The following STXBP5L variants were observed in gnomAD, a reference collection of about 807,000 sequenced individuals.
STXBP5L encodes syntaxin-binding protein 5-like.
A neutral mutation model predicts 144.5 loss-of-function variants in STXBP5L; 65 were observed. The observed-to-expected ratio is 0.45, with a 90% confidence interval of 0.37 to 0.55. The LOEUF (loss-of-function observed/expected upper bound fraction) is 0.55. STXBP5L is among the 20% of genes least tolerant of loss of function. STXBP5L has a pLI of 0.00. For synonymous variants in STXBP5L, 505 were observed against 469.6 expected, an observed-to-expected ratio of 1.08 and a Z score of -0.97; for missense variants, 1,298 against 1,405.5, an observed-to-expected ratio of 0.92 and a Z score of 1.22.
At position 121,359,125 on chromosome 3, in the gene STXBP5L, C is replaced by T. The variant is rs1249472179; in HGVS notation, c.2177-19591C>T. Among the ~76,000 whole-genome samples the T allele has an allele frequency of 3.9e-5, 6 of 152,066 alleles. No homozygotes were observed. The East Asian group carries it at 9.6e-4, about 24-fold the overall frequency. On this transcript the variant is annotated intron_variant, in intron 20 of 26. Transcript: ENST00000471454. ...ATATCCTTGCCAGCATTTGTTATTG[C>T]CTGTCTTTTGGATATAAGCCATTTT...
intron 5 of STXBP5L, among the ~76,000 whole-genome samples, chr3:121,047,207 C>T (rs1362456824): frequency 6.6e-6 from 1 of 151,804 alleles, no homozygotes; most frequent in African/African-American, 2.4e-5. Context: ...TGCATTATGG[C>T]CTGAGAGTGT....
chr3:121,288,814 T>C (rs1287560863), intron 19 of STXBP5L, among the ~76,000 whole-genome samples: 1 of 152,208 alleles, frequency 6.6e-6, no homozygotes. Context: ...TTGATAGTTT[T>C]TATAGCTGTG....
intron 3 of STXBP5L, among the ~76,000 whole-genome samples, chr3:120,983,507 G>A (rs1942001232): frequency 1.3e-5 from 2 of 152,172 alleles, no homozygotes; most frequent in African/African-American, 4.8e-5. Flanking sequence ...ACAGGCCTCT[G>A]GGGGTTGGGC....
intron 10 of STXBP5L, among the ~76,000 whole-genome samples, chr3:121,217,484 G>T (rs2048819428): frequency 6.6e-6 from 1 of 152,042 alleles, no homozygotes; most frequent in African/African-American, 2.4e-5. Context: ...GCCCCACCCT[G>T]CTTCTGCTCA....
intron 5 of STXBP5L, among the ~76,000 whole-genome samples, chr3:121,113,803 G>A (rs1189470706): frequency 1.3e-5 from 2 of 150,280 alleles, no homozygotes; most frequent in Non-Finnish European, 3.0e-5. Context: ...CTCCCAAGTA[G>A]GTGGGACTAT....
At chr3:121,118,901 A>G (rs2044341060) in intron 6 of STXBP5L, among the ~76,000 whole-genome samples, 2 of 151,482 alleles carry the variant, frequency 1.3e-5, no homozygotes, top group Admixed American at 1.3e-4. Flanking sequence ...GCTCCATTGA[A>G]TTGTATGTGT....
chr3:121,327,412 T>G (rs2044183659), intron 20 of STXBP5L, among the ~76,000 whole-genome samples: 1 of 152,208 alleles, frequency 6.6e-6, no homozygotes, highest in South Asian at 2.1e-4. Context: ...CACAAAGGTT[T>G]ATAATCTGCT....
intron 5 of STXBP5L, among the ~76,000 whole-genome samples, chr3:121,047,574 T>G (rs949804188): frequency 3.9e-5 from 6 of 152,186 alleles, no homozygotes; most frequent in Non-Finnish European, 7.3e-5. Context: ...AGTTAGGCAT[T>G]CTTGTTGAAT....
chr3:121,283,724 T>G (rs1334268366), intron 19 of STXBP5L, among the ~76,000 whole-genome samples: 1 of 152,054 alleles, frequency 6.6e-6, no homozygotes, highest in Non-Finnish European at 1.5e-5. Flanking sequence ...CATTAAAGTT[T>G]GCTGATTCCT....
intron 22 of STXBP5L, among the ~76,000 whole-genome samples, chr3:121,402,744 T>A (rs917849066): frequency 2.6e-5 from 4 of 152,178 alleles, no homozygotes; most frequent in African/African-American, 4.8e-5. Context: ...TCATACTATA[T>A]TTTCCTAGTC....
chr3:121,271,048 A>G (rs1320147080), intron 18 of STXBP5L, among the ~76,000 whole-genome samples: 11 of 152,192 alleles, frequency 7.2e-5, no homozygotes, highest in Non-Finnish European at 1.3e-4. Context: ...GTGGGGAGAT[A>G]CTTGAAAGTT....
At chr3:121,027,040 G>A (rs533126084) in intron 3 of STXBP5L, among the ~76,000 whole-genome samples, 4 of 151,828 alleles carry the variant, frequency 2.6e-5, no homozygotes, top group African/African-American at 7.2e-5. Context: ...ATATATTGGT[G>A]TGGCATATTC....
intron 9 of STXBP5L, among the ~76,000 whole-genome samples, chr3:121,181,406 C>G (rs1337037389): frequency 8.8e-6 from 1 of 113,862 alleles, no homozygotes; most frequent in Non-Finnish European, 2.0e-5. Flanking sequence ...CTAAGGGCCC[C>G]ACTTAAAAGA....
At chr3:121,263,408 C>G (rs1003845059) in intron 18 of STXBP5L, among the ~76,000 whole-genome samples, 2 of 152,138 alleles carry the variant, frequency 1.3e-5, no homozygotes, top group Non-Finnish European at 2.9e-5. Flanking sequence ...AAGAAAGCCT[C>G]TTCTCCTCTA....
chr3:121,331,829 A>G (rs1262694518), intron 20 of STXBP5L, among the ~76,000 whole-genome samples: 2 of 152,180 alleles, frequency 1.3e-5, no homozygotes, highest in Non-Finnish European at 1.5e-5. Context: ...TAAATAAAAA[A>G]GTGCACACCA....
intron 20 of STXBP5L, among the ~76,000 whole-genome samples, chr3:121,345,549 G>A (rs1559999291): frequency 6.6e-6 from 1 of 152,010 alleles, no homozygotes; most frequent in Non-Finnish European, 1.5e-5. Context: ...GGGTCAAATG[G>A]TATTTCTAGT....
At chr3:121,308,987 C>T (rs1333094763) in intron 19 of STXBP5L, among the ~76,000 whole-genome samples, 1 of 151,564 alleles carries the variant, frequency 6.6e-6, no homozygotes, top group Non-Finnish European at 1.5e-5. Flanking sequence ...TAAGTTTTAC[C>T]ACTAGGAAAA....
intron 20 of STXBP5L, among the ~76,000 whole-genome samples, chr3:121,332,407 C>CA (rs201605873): frequency 0.1 from 8,889 of 86,188 alleles, 355 homozygotes; most frequent in Middle Eastern, 0.23. Context: ...TAGATATTTT[C>CA]AAAAAAAAAA....
intron 2 of STXBP5L, among the ~76,000 whole-genome samples, chr3:120,936,992 G>C (rs1212794005): frequency 6.6e-6 from 1 of 152,146 alleles, no homozygotes; most frequent in Non-Finnish European, 1.5e-5. Flanking sequence ...ACCTTCACAA[G>C]TGCTTCTCAG....
Sources: gnomAD v4.1 joint callset for allele counts (sites outside exome capture counted in the v4.1 genomes callset) on GRCh38, gnomAD v4.1.1 for gene constraint, MANE v1.5 for transcripts, NCBI Gene and HGNC (gene_info 2026-07-23, HGNC 2026-07-21) for gene names.